SKOR2: variants seen among roughly 807,000 people sequenced by gnomAD.
SKOR2 encodes SKI family transcriptional corepressor 2.
In SKOR2, 47 loss-of-function variants were observed where a neutral mutation model predicts 69.1. That is an observed-to-expected ratio of 0.68 (90% CI 0.54 to 0.87). The LOEUF (loss-of-function observed/expected upper bound fraction) is 0.87. SKOR2 is among the 40% of genes least tolerant of loss of function. SKOR2 has a pLI of 0.00. For synonymous variants in SKOR2, 717 were observed against 672.6 expected (o/e 1.07, Z -1.02); for missense variants, 1,404 against 1,472.2 (o/e 0.95, Z 0.76).
At chr18:47,234,054 T>C (rs2064210574) in intron 4 of SKOR2, among the ~76,000 whole-genome samples, 1 of 152,234 alleles carries the variant, frequency 6.6e-6, no homozygotes, top group South Asian at 2.1e-4. Context: ...ATGCCTCACT[T>C]ACAAAGGGTT....
In SKOR2 at chr18:47,248,751, A is replaced by T; in HGVS notation, c.433T>A (p.Phe145Ile). ...RPPKLPDNFAFDVSHECAWGC... is the reference protein window; with the variant it reads ...RPPKLPDNFAIDVSHECAWGC... ...CAGGCGCACTCGTGTGACACGTCGA[A>T]GGCGAAATTGTCTGGCAGCTTGGGC... The change falls in exon 2 of 9, where the codon TTC becomes ATC. Residue 145 changes from phenylalanine (F) to isoleucine (I), a missense_variant. Physicochemically the swap from Phe to Ile is conservative, Grantham distance 21. Coordinates refer to ENST00000425639, the MANE Select transcript of SKOR2 (RefSeq NM_001278063.4). The surrounding 1 kb of genome is among the most constrained non-coding windows in gnomAD (Gnocchi z 6.4). 6.4e-7 allele frequency: 1 copy of T among 1,551,848 alleles called. No homozygotes were observed. Among genetic ancestry groups the T allele is most frequent in the Non-Finnish European group, 8.7e-7 (1 of 1,155,260 alleles).
chr18:47,212,484 C>T (rs932542775), intron 7 of SKOR2, among the ~76,000 whole-genome samples: 1 of 152,104 alleles, frequency 6.6e-6, no homozygotes, highest in Non-Finnish European at 1.5e-5. Context: ...AACTGAGTTA[C>T]GATGTTCTAA....
intron 1 of SKOR2, 111 bp downstream of exon 1, chr18:47,251,263 G>C (rs879718913): frequency 2.6e-5 from 4 of 152,054 alleles, no homozygotes; most frequent in Non-Finnish European, 4.4e-5. Flanking sequence ...CAGTCACCAC[G>C]GAAGCCCACC....
chr18:47,209,766 G>A (rs1484689192), intron 8 of SKOR2, among the ~76,000 whole-genome samples: 1 of 152,112 alleles, frequency 6.6e-6, no homozygotes, highest in African/African-American at 2.4e-5. Context: ...GAAGTGTAAG[G>A]AGTAAAAAGA....
At chr18:47,222,781 A>G (rs868780261) in intron 6 of SKOR2, among the ~76,000 whole-genome samples, 202 of 152,358 alleles carry the variant, frequency 1.3e-3, no homozygotes, top group African/African-American at 4.1e-3. Flanking sequence ...CTGGGATCAC[A>G]GAAGATTCTA....
Position 47,248,089 on chromosome 18 carries a change from G to A in SKOR2, c.1095C>T (p.Gly365=), listed in dbSNP as rs1482369727. Reference sequence around the variant, plus strand: ...CCCCTGCCCCGGCACCCGCCCCCGCGCCCGCGCCCACGCCCACGCCGGCCA... The same window carrying A: ...CCCCTGCCCCGGCACCCGCCCCCGCACCCGCGCCCACGCCCACGCCGGCCA... ...GCVAGVGVGA[G]AGAGAGAGAK... The change falls in exon 2 of 9, where the codon GGC becomes GGT. Residue 365 remains glycine, a synonymous_variant. Coordinates refer to ENST00000425639, the MANE Select transcript of SKOR2 (RefSeq NM_001278063.4). This position sits in a 1 kb window ranked among gnomAD's most constrained non-coding sequence, Gnocchi z 6.4. The A allele has an allele frequency of 2.0e-5, 27 of 1,373,926 alleles. No individual in the cohort carries two copies. The East Asian group carries it at 6.3e-4, about 32-fold the overall frequency. 85.1% of individuals were successfully genotyped at this position (1,373,926 alleles called of 1,614,324 possible).
chr18:47,239,014 A>G (rs763179280), intron 4 of SKOR2, among the ~76,000 whole-genome samples: 7 of 152,240 alleles, frequency 4.6e-5, no homozygotes, highest in Non-Finnish European at 8.8e-5. Flanking sequence ...TTAGTCTTAT[A>G]ATCTGCTTCT....
At chr18:47,231,614 C>G (rs563636304) in intron 4 of SKOR2, among the ~76,000 whole-genome samples, 1 of 151,958 alleles carries the variant, frequency 6.6e-6, no homozygotes, top group Admixed American at 6.6e-5. Context: ...GATGCCGAGG[C>G]GGGCAGATCA....
At chr18:47,232,494 T>C (rs2064203561) in intron 4 of SKOR2, among the ~76,000 whole-genome samples, 1 of 152,210 alleles carries the variant, frequency 6.6e-6, no homozygotes, top group Non-Finnish European at 1.5e-5. Flanking sequence ...TTCATTTCTG[T>C]CTGAAGAGGT....
At position 47,251,626 on chromosome 18, in the gene SKOR2, C is replaced by T. The variant is rs2064313364; in HGVS notation, c.-300G>A. The T allele has an allele frequency of 6.6e-6, 1 of 152,192 alleles. No homozygotes were observed. Among genetic ancestry groups the T allele is most frequent in the South Asian group, 2.1e-4 (1 of 4,818 alleles). 9.4% of individuals were successfully genotyped at this position (152,192 alleles called of 1,614,324 possible). On this transcript the variant is annotated 5_prime_UTR_variant, in exon 1 of 9. Coordinates refer to ENST00000425639, the MANE Select transcript of SKOR2 (RefSeq NM_001278063.4). ...ACGCAGAAACCCGCGGCAGGAGAGCCCCAAGTGGAGCGCAGTCTGACAGCG... is the reference window on the plus strand; with the variant it reads ...ACGCAGAAACCCGCGGCAGGAGAGCTCCAAGTGGAGCGCAGTCTGACAGCG...
At chr18:47,231,304 T>G in intron 4 of SKOR2, 1 of 833,940 alleles carries the variant, frequency 1.2e-6, no homozygotes, top group South Asian at 1.8e-5. Context: ...AGGAAATTGC[T>G]AGAATGGGCA....
At position 47,246,882 on chromosome 18, in the gene SKOR2, C is replaced by T. The variant is rs1055338108; in HGVS notation, c.2302G>A (p.Glu768Lys). The T allele has an allele frequency of 6.7e-7, 1 of 1,491,100 alleles. No individual in the cohort carries two copies. The highest frequency in any genetic ancestry group is 8.9e-7 in the Non-Finnish European group (1 of 1,126,812). The allele number at this position is 1,491,100 out of a possible 1,614,324, so 92.4% of individuals were successfully genotyped here. Residue 768 changes from glutamate (E) to lysine (K), a missense_variant, in exon 2 of 9, where the codon GAA (glutamate) becomes AAA (lysine). Physicochemically the swap from Glu to Lys is moderately conservative, Grantham distance 56. This residue lies in a region of SKOR2 where 1,266 missense variants were observed against 1,309.9 expected (regional missense o/e 0.97). Transcript: ENST00000425639. ...EEGRDPDDDE[E>K]EDEETEVLLG... ...AGGACCTCCGTCTCCTCGTCCTCTT[C>T]CTCGTCGTCGTCAGGGTCTCGACCT... is the stretch of plus-strand genomic sequence containing the variant.
intron 4 of SKOR2, among the ~76,000 whole-genome samples, chr18:47,232,128 CA>C (rs1164159159): frequency 6.6e-6 from 1 of 150,558 alleles, no homozygotes; most frequent in Non-Finnish European, 1.5e-5. Context: ...GACCCTGTCT[CA>C]AAAAAACAAA....
In SKOR2 at chr18:47,247,772, C is replaced by T; in HGVS notation, c.1412G>A (p.Trp471Ter). ...DAFYPPFCMF[W>*]PPRTPGGLPV... ...GAGCCCGCCAGGGGTCCGCGGCGGCCAGAACATGCAGAAGGGCGGATAGAA... is the reference window on the plus strand; with the variant it reads ...GAGCCCGCCAGGGGTCCGCGGCGGCTAGAACATGCAGAAGGGCGGATAGAA... The change falls in exon 2 of 9, where the codon TGG (tryptophan) becomes TAG (stop). Residue 471 changes from tryptophan (W) to a stop codon, truncating the protein, a stop_gained. Coordinates refer to ENST00000425639, the MANE Select transcript of SKOR2 (RefSeq NM_001278063.4). LOFTEE classifies it high-confidence loss of function. The surrounding 1 kb of genome is among the most constrained non-coding windows in gnomAD (Gnocchi z 6.6). 1.4e-6 allele frequency: 2 copies of T among 1,387,218 alleles called. No individual in the cohort carries two copies. The highest frequency in any genetic ancestry group is 1.9e-6 in the Non-Finnish European group (2 of 1,079,460). The allele number at this position is 1,387,218 out of a possible 1,614,324, so 85.9% of individuals were successfully genotyped here.
At position 47,249,067 on chromosome 18, in the gene SKOR2, G is replaced by T. The variant is rs2144520848; in HGVS notation, c.117C>A (p.Asn39Lys). The T allele has an allele frequency of 6.5e-7, 1 of 1,536,946 alleles. No individual in the cohort carries two copies. Among genetic ancestry groups the T allele is most frequent in the Non-Finnish European group, 8.7e-7 (1 of 1,147,122 alleles). ...CGTAGAGGATCACCTGGCCCACCTG[G>T]TTGGGTTTGAGGTTGGCGTGCCCTG... ...PRPGHANLKP[N>K]QVGQVILYGI... Residue 39 changes from asparagine (N) to lysine (K), a missense_variant, in exon 2 of 9, where the codon AAC becomes AAA. Transcript: ENST00000425639.
chr18:47,226,082 C>G (rs1477741547), intron 6 of SKOR2, among the ~76,000 whole-genome samples: 1 of 152,156 alleles, frequency 6.6e-6, no homozygotes, highest in East Asian at 1.9e-4. Context: ...CTTCTCCATT[C>G]ATTGCCACCT....
intron 8 of SKOR2, among the ~76,000 whole-genome samples, chr18:47,209,612 C>A (rs982062153): frequency 6.6e-6 from 1 of 152,178 alleles, no homozygotes; most frequent in South Asian, 2.1e-4. Context: ...GCATTAGTTA[C>A]TAAACACAAA....
chr18:47,248,367 C>T lies in SKOR2; in HGVS notation c.817G>A (p.Gly273Ser), dbSNP rs1204666355. 7 of 1,288,174 alleles carry T rather than the reference C, an allele frequency of 5.4e-6. No individual in the cohort carries two copies. The highest frequency in any genetic ancestry group is 1.6e-5 in the African/African-American group (1 of 63,386). The allele number at this position is 1,288,174 out of a possible 1,614,324, so 79.8% of individuals were successfully genotyped here. The change falls in exon 2 of 9, where the codon GGC becomes AGC. Residue 273 changes from glycine (G) to serine (S), a missense_variant. This residue lies in a region of SKOR2 where 1,266 missense variants were observed against 1,309.9 expected (regional missense o/e 0.97). Coordinates refer to ENST00000425639, the MANE Select transcript of SKOR2 (RefSeq NM_001278063.4). This position sits in a 1 kb window ranked among gnomAD's most constrained non-coding sequence, Gnocchi z 6.4. Reference sequence around the variant, plus strand: ...AGGTGGGGGCCCAGCAGACCCCCGCCTCCGGCCACCGCGGCCGCGGCGGCC... The same window carrying T: ...AGGTGGGGGCCCAGCAGACCCCCGCTTCCGGCCACCGCGGCCGCGGCGGCC... ...AVAAAAAVAGGGGLLGPHLLG... is the reference protein window; with the variant it reads ...AVAAAAAVAGSGGLLGPHLLG...
rs1371411685 is a variant in SKOR2, at chr18:47,248,680, G to T, written c.504C>A (p.Arg168=). Residue 168 remains arginine (R), a synonymous_variant, in exon 2 of 9, where the codon CGC becomes CGA. Coordinates refer to ENST00000425639, the MANE Select transcript of SKOR2 (RefSeq NM_001278063.4). The surrounding 1 kb of genome is among the most constrained non-coding windows in gnomAD (Gnocchi z 6.4). ...SFIPARYNSS[R]AKCIKCSYCN... ...AGTAGCTGCATTTGATGCACTTGGC[G>T]CGCGAGCTGTTGTAGCGCGCGGGAA... The T allele has an allele frequency of 1.9e-6, 3 of 1,566,292 alleles. No individual in the cohort carries two copies. Among genetic ancestry groups the T allele is most frequent in the Admixed American group, 3.6e-5 (2 of 54,818 alleles).
Sources: allele counts gnomAD v4.1 joint callset (sites outside exome capture counted in the v4.1 genomes callset), GRCh38; gene constraint gnomAD v4.1.1; regional missense constraint gnomAD v4.1.1; non-coding constraint Gnocchi (gnomAD v3.1); transcripts MANE v1.5; gene names NCBI Gene and HGNC (gene_info 2026-07-23, HGNC 2026-07-21).